Variants in AKR1C1 observed in about 807,000 individuals in gnomAD.
The protein encoded by AKR1C1 is 20 alpha-hydroxysteroid dehydrogenase.
AKR1C1 carries 32 observed loss-of-function variants against 40.6 expected under a neutral mutation model. That is an observed-to-expected ratio of 0.79 (90% CI 0.60 to 1.06). AKR1C1 has a LOEUF of 1.06. AKR1C1 is among the 50% of genes least tolerant of loss of function. The pLI is 0.00. For synonymous variants in AKR1C1, 105 were observed against 134.2 expected (o/e 0.78, Z 1.50); for missense variants, 320 against 363.5 (o/e 0.88, Z 0.97).
intron 1 of AKR1C1, chr10:4,963,920 C>A (rs539459930): frequency 8.1e-6 from 6 of 744,742 alleles, no homozygotes; most frequent in African/African-American, 7.0e-5. Context: ...TGGATGAAAT[C>A]TGTTGGGAGA....
intron 1 of AKR1C1, chr10:4,964,009 A>G: frequency 7.4e-6 from 5 of 672,954 alleles, no homozygotes; most frequent in East Asian, 5.2e-5. Context: ...CTCATGTACT[A>G]TTCTCACCTC....
At chr10:4,968,069 A>G in intron 3 of AKR1C1, 1 of 704,324 alleles carries the variant, frequency 1.4e-6, no homozygotes. Flanking sequence ...ATGACACTCC[A>G]TTAGGAACCA....
chr10:4,977,714 C>T lies in AKR1C1; in HGVS notation c.944C>T (p.Pro315Leu), dbSNP rs1172941067. 18 of 1,609,902 alleles carry T rather than the reference C, an allele frequency of 1.1e-5. No individual in the cohort carries two copies. The Admixed American group carries it at 2.7e-4, about 24-fold the overall frequency. The change falls in exon 9 of 9, where the codon CCT becomes CTT. Residue 315 changes from proline to leucine, a missense_variant. Transcript: ENST00000380872. Reference protein sequence around the residue: ...YLTLDIFAGPPNYPFSDEY With the variant: ...YLTLDIFAGPLNYPFSDEY ...TCTCTTTCCAGTTTTGCTGGCCCCCCTAATTATCCATTTTCTGATGAATAT... is the reference window on the plus strand; with the variant it reads ...TCTCTTTCCAGTTTTGCTGGCCCCCTTAATTATCCATTTTCTGATGAATAT...
At chr10:4,970,854 A>G (rs1429227909) in intron 5 of AKR1C1, among the ~76,000 whole-genome samples, 3 of 151,436 alleles carry the variant, frequency 2.0e-5, no homozygotes, top group African/African-American at 7.3e-5. Flanking sequence ...AGATATACCT[A>G]ATGCTAGATG....
rs1836554769 is a variant in AKR1C1, at chr10:4,978,075, T to C, written c.*333T>C. The stretch of plus-strand genomic sequence containing the variant: ...CGGGGTTGGAAGATGTTAACAACCA[T>C]TTAAGATTCATTTCTGCAGTGGGAG... On this transcript the variant is annotated 3_prime_UTR_variant, in exon 9 of 9. Transcript: ENST00000380872. 3.4e-6 allele frequency: 1 copy of C among 292,908 alleles called. No individual in the cohort carries two copies. Among genetic ancestry groups the C allele is most frequent in the Non-Finnish European group, 6.3e-6 (1 of 158,822 alleles). The allele number at this position is 292,908 out of a possible 1,614,324, so 18.1% of individuals were successfully genotyped here.
chr10:4,975,200 A>T (rs1836508468), intron 7 of AKR1C1, among the ~76,000 whole-genome samples: 2 of 152,080 alleles, frequency 1.3e-5, no homozygotes, highest in African/African-American at 4.8e-5. Context: ...TCTTACCTAC[A>T]TTCATCAAGT....
intron 1 of AKR1C1, chr10:4,963,762 A>G (rs1405615726): frequency 1.3e-6 from 1 of 755,496 alleles, no homozygotes; most frequent in Non-Finnish European, 2.4e-6. Flanking sequence ...CTCAGCAGAA[A>G]GAACACGGCT....
At chr10:4,973,212 A>G (rs1836467092) in intron 7 of AKR1C1, among the ~76,000 whole-genome samples, 1 of 149,904 alleles carries the variant, frequency 6.7e-6, no homozygotes, top group African/African-American at 2.5e-5. Flanking sequence ...TTTTATGTGT[A>G]GGAGACCATA....
chr10:4,977,029 C>A (rs1396071379), intron 8 of AKR1C1, among the ~76,000 whole-genome samples: 1 of 152,160 alleles, frequency 6.6e-6, no homozygotes, highest in Non-Finnish European at 1.5e-5. Context: ...TTGCGAGCTT[C>A]CAAGTGTTTG....
intron 7 of AKR1C1, among the ~76,000 whole-genome samples, chr10:4,975,147 T>A (rs1407138211): frequency 4.6e-5 from 7 of 152,132 alleles, no homozygotes; most frequent in African/African-American, 1.7e-4. Flanking sequence ...TTTTATGGAT[T>A]TTCTAATATA....
rs543975863 is a variant in AKR1C1, at chr10:4,981,191, T to C, written c.*3449T>C. On this transcript the variant is annotated 3_prime_UTR_variant, in exon 9 of 9. Coordinates refer to ENST00000380872, the MANE Select transcript of AKR1C1 (RefSeq NM_001353.6). ...AACCATTATTTAAGGAGATGTGGCTTAAATATCTAGGCTTTCTTGCTTTAT... is the reference window on the plus strand; with the variant it reads ...AACCATTATTTAAGGAGATGTGGCTCAAATATCTAGGCTTTCTTGCTTTAT... 6.6e-5 allele frequency: 10 copies of C among 152,342 alleles called. No homozygotes were observed. Among genetic ancestry groups the C allele is most frequent in the African/African-American group, 2.2e-4 (9 of 41,572 alleles). 9.4% of individuals were successfully genotyped at this position (152,342 alleles called of 1,614,324 possible). A position where few individuals can be genotyped will look rare whatever the true frequency, so the allele number is the denominator to read the frequency against.
intron 8 of AKR1C1, among the ~76,000 whole-genome samples, chr10:4,976,761 CAAGT>C (rs1255727357): frequency 1.3e-5 from 2 of 151,868 alleles, no homozygotes; most frequent in Non-Finnish European, 2.9e-5. Flanking sequence ...GGGATTTCAA[CAAGT>C]AATAGAGATG....
At chr10:4,966,329 T>A (rs1362434533) in intron 2 of AKR1C1, among the ~76,000 whole-genome samples, 1 of 152,244 alleles carries the variant, frequency 6.6e-6, no homozygotes, top group Non-Finnish European at 1.5e-5. Context: ...TCAATATGGT[T>A]TAACATAGAC....
chr10:4,969,157 G>A (rs1196635684), intron 5 of AKR1C1, among the ~76,000 whole-genome samples: 1 of 152,178 alleles, frequency 6.6e-6, no homozygotes, highest in African/African-American at 2.4e-5. Flanking sequence ...TGAATTGTGT[G>A]TTATATTTAT....
chr10:4,965,338 C>T (rs1466760373), intron 1 of AKR1C1, among the ~76,000 whole-genome samples: 1 of 152,092 alleles, frequency 6.6e-6, no homozygotes, highest in African/African-American at 2.4e-5. Context: ...GTGGTGCGAC[C>T]TCAGCTCACT....
At chr10:4,974,200 C>A in intron 7 of AKR1C1, among the ~76,000 whole-genome samples, 1 of 150,724 alleles carries the variant, frequency 6.6e-6, no homozygotes. Flanking sequence ...TGGAAATTAT[C>A]AGTATTTATA....
chr10:4,975,454 C>A (rs1836512778), intron 7 of AKR1C1, among the ~76,000 whole-genome samples: 2 of 152,148 alleles, frequency 1.3e-5, no homozygotes, highest in African/African-American at 4.8e-5. Context: ...TATACCTGTT[C>A]ATTGGAGAGA....
chr10:4,968,622 A>G (rs960218669), intron 4 of AKR1C1, among the ~76,000 whole-genome samples, 200 bp from the exon 5 acceptor site: 5 of 152,198 alleles, frequency 3.3e-5, no homozygotes, highest in Admixed American at 3.3e-4. Context: ...CTTTTCACTA[A>G]TCTCTCCAGT....
chr10:4,975,105 T>C (rs1262256625), intron 7 of AKR1C1, among the ~76,000 whole-genome samples: 2 of 152,114 alleles, frequency 1.3e-5, no homozygotes, highest in Non-Finnish European at 2.9e-5. Context: ...TTACTGATGA[T>C]TTTAATAGTT....
Sources: allele counts gnomAD v4.1 joint callset (sites outside exome capture counted in the v4.1 genomes callset), GRCh38; gene constraint gnomAD v4.1.1; transcripts MANE v1.5; gene names NCBI Gene and HGNC (gene_info 2026-07-23, HGNC 2026-07-21).